The following KLF15 variants were observed in gnomAD, a reference collection of about 807,000 sequenced individuals.
KLF15 encodes Krueppel-like factor 15.
Under a neutral mutation model 24.6 loss-of-function variants are expected in KLF15, and 4 were observed. The observed-to-expected ratio is 0.16, with a 90% CI of 0.08 to 0.37. KLF15 has a LOEUF of 0.37. Among genes scored for constraint, KLF15 ranks in the 10% least tolerant of loss-of-function variants. The pLI is 1.00. For synonymous variants in KLF15, 246 were observed against 236.3 expected, an observed-to-expected ratio of 1.04 and a Z score of -0.37; for missense variants, 496 against 560.6, an observed-to-expected ratio of 0.88 and a Z score of 1.16.
the KLF15 span, among the ~76,000 whole-genome samples, chr3:126,308,170 G>A: frequency 7.2e-5 from 11 of 152,320 alleles, no homozygotes; most frequent in South Asian, 2.1e-4. Flanking sequence ...TACAGGAAGC[G>A]CGCTGCCCTG....
chr3:126,294,462 A>G, the KLF15 span, among the ~76,000 whole-genome samples: 3 of 152,260 alleles, frequency 2.0e-5, no homozygotes, highest in African/African-American at 7.2e-5. Context: ...TTCCACATTT[A>G]TTAATTGCGA....
At chr3:126,350,997 C>T (rs2082577996) in intron 2 of KLF15, among the ~76,000 whole-genome samples, 1 of 152,278 alleles carries the variant, frequency 6.6e-6, no homozygotes, top group African/African-American at 2.4e-5. Context: ...CACCCCGGAG[C>T]ACATGAGCTC....
the KLF15 span, among the ~76,000 whole-genome samples, chr3:126,333,909 C>A: frequency 6.7e-5 from 10 of 148,934 alleles, no homozygotes; most frequent in East Asian, 2.0e-4. Context: ...CAGGAGCACC[C>A]AGATTCATAA....
the KLF15 span, among the ~76,000 whole-genome samples, chr3:126,320,551 C>T: frequency 2.0e-5 from 3 of 152,252 alleles, no homozygotes; most frequent in African/African-American, 4.8e-5. Context: ...TTTGAGTTCA[C>T]CTGGCTACAC....
At chr3:126,307,468 C>T in the KLF15 span, among the ~76,000 whole-genome samples, 66 of 152,256 alleles carry the variant, frequency 4.3e-4, no homozygotes, top group Non-Finnish European at 3.5e-4. Flanking sequence ...GAGAAATGAG[C>T]GGGATGGTGG....
At chr3:126,289,151 T>A in the KLF15 span, among the ~76,000 whole-genome samples, 2 of 152,222 alleles carry the variant, frequency 1.3e-5, no homozygotes, top group Admixed American at 6.5e-5. Context: ...AATGTTAGAA[T>A]CTTCTTACCA....
At chr3:126,350,425 C>T (rs1005748933) in intron 2 of KLF15, among the ~76,000 whole-genome samples, 3 of 152,166 alleles carry the variant, frequency 2.0e-5, no homozygotes, top group Admixed American at 1.3e-4. Context: ...TCAGGAGGGG[C>T]CTCCATAAAC....
rs552994136 is a variant in KLF15 at position 126,343,899 on chromosome 3, C to A, written c.1083-4G>T. ...CAGCTCGTCAGAGCGCGAGAACCTG[C>A]GGGACATGGCGCGGTCAGCGAGGCC... On this transcript the variant is annotated splice_polypyrimidine_tract_variant and splice_region_variant and intron_variant, in intron 2 of 2. Coordinates refer to ENST00000296233, the MANE Select transcript of KLF15 (RefSeq NM_014079.4). 2 of 1,575,378 alleles carry A rather than the reference C, an allele frequency of 1.3e-6. No individual in the cohort carries two copies. Among genetic ancestry groups the A allele is most frequent in the South Asian group, 1.2e-5 (1 of 86,696 alleles).
chr3:126,319,458 T>C, the KLF15 span, among the ~76,000 whole-genome samples: 1 of 152,256 alleles, frequency 6.6e-6, no homozygotes, highest in Non-Finnish European at 1.5e-5. Flanking sequence ...TTGTCAGTGT[T>C]TTGGGTTTGG....
chr3:126,317,802 T>C, the KLF15 span, among the ~76,000 whole-genome samples: 1 of 152,146 alleles, frequency 6.6e-6, no homozygotes, highest in African/African-American at 2.4e-5. Context: ...TCTAAAACTT[T>C]CTTAATAAAC....
chr3:126,337,906 G>A (rs531940879), downstream of KLF15, among the ~76,000 whole-genome samples: 5 of 152,260 alleles, frequency 3.3e-5, no homozygotes, highest in South Asian at 2.1e-4. Context: ...CTTTCAAGGC[G>A]GGAGAAGGTG....
downstream of KLF15, among the ~76,000 whole-genome samples, chr3:126,340,679 C>T (rs1337303712): frequency 1.3e-5 from 2 of 152,172 alleles, no homozygotes; most frequent in Non-Finnish European, 2.9e-5. Context: ...CTGCAGCCTT[C>T]CAGCTTCCAC....
chr3:126,323,421 ATATATATATATATAACATATATATGT>A, the KLF15 span, among the ~76,000 whole-genome samples: 9,331 of 34,944 alleles, frequency 0.27, 986 homozygotes, highest in Non-Finnish European at 0.33. Context: ...ATATATATAT[ATATATATATATATAACATATATATGT>A]TATATATATA....
At chr3:126,316,926 A>T in the KLF15 span, among the ~76,000 whole-genome samples, 19,068 of 152,188 alleles carry the variant, frequency 0.13, 1,336 homozygotes, top group Admixed American at 0.22. Flanking sequence ...GAAGCCACAG[A>T]AACATCCAGG....
chr3:126,298,345 G>T, the KLF15 span, among the ~76,000 whole-genome samples: 1 of 149,052 alleles, frequency 6.7e-6, no homozygotes. Context: ...TGCAGATTCT[G>T]GATATTAGTC....
At chr3:126,353,876 C>T (rs2082609077) in intron 1 of KLF15, 1 of 152,304 alleles carries the variant, frequency 6.6e-6, no homozygotes. Context: ...AGAGCACCCG[C>T]ATGTGCCTAA....
chr3:126,327,641 G>A, the KLF15 span, among the ~76,000 whole-genome samples: 1 of 152,186 alleles, frequency 6.6e-6, no homozygotes, highest in African/African-American at 2.4e-5. Flanking sequence ...TGGGGGCATT[G>A]TTGTCAAGGA....
At chr3:126,329,176 G>T in the KLF15 span, among the ~76,000 whole-genome samples, 1 of 152,194 alleles carries the variant, frequency 6.6e-6, no homozygotes. Flanking sequence ...GGTGTGAGAA[G>T]AACCTCCATC....
intron 1 of KLF15, among the ~76,000 whole-genome samples, chr3:126,354,585 G>A (rs1459561006): frequency 6.6e-6 from 1 of 152,208 alleles, no homozygotes; most frequent in Non-Finnish European, 1.5e-5. Flanking sequence ...GGAAACTAAG[G>A]CAAGGTCTGT....
Sources: gnomAD v4.1 joint callset for allele counts (sites outside exome capture counted in the v4.1 genomes callset) on GRCh38, gnomAD v4.1.1 for gene constraint, MANE v1.5 for transcripts, NCBI Gene and HGNC (gene_info 2026-07-23, HGNC 2026-07-21) for gene names.